Variants in LAMA3 observed in about 807,000 individuals in gnomAD.
The protein encoded by LAMA3 is laminin subunit alpha-3.
Under a neutral mutation model 402.0 loss-of-function variants are expected in LAMA3, and 281 were observed. That is an observed-to-expected ratio of 0.70 (90% CI 0.63 to 0.77). LAMA3 has a LOEUF of 0.77. Among genes scored for constraint, LAMA3 ranks in the 30% least tolerant of loss-of-function variants. The pLI, the probability that LAMA3 is intolerant of heterozygous loss-of-function variation, is 0.00. For synonymous variants in LAMA3, 1,431 were observed against 1,558.4 expected, an observed-to-expected ratio of 0.92 and a Z score of 1.93; for missense variants, 3,840 against 4,215.5, an observed-to-expected ratio of 0.91 and a Z score of 2.47.
intron 32 of LAMA3, among the ~76,000 whole-genome samples, chr18:23,849,036 A>T (rs1162706635): frequency 6.6e-6 from 1 of 152,184 alleles, no homozygotes. Context: ...GACACCAGTC[A>T]TACTGGCTTA....
chr18:23,842,864 A>AG, intron 29 of LAMA3, 114 bp downstream of exon 29: 2 of 1,361,346 alleles, frequency 1.5e-6, no homozygotes, highest in Non-Finnish European at 2.1e-6. Flanking sequence ...TCATATTTGT[A>AG]GAAAAATGTT....
At position 23,689,734 on chromosome 18, in the gene LAMA3, G is replaced by A. The variant is rs892740122; in HGVS notation, c.51G>A (p.Pro17=). 95 of 1,490,126 alleles carry A rather than the reference G, an allele frequency of 6.4e-5. No homozygotes were observed. Among genetic ancestry groups the A allele is most frequent in the Non-Finnish European group, 8.4e-5 (94 of 1,124,394 alleles). 92.3% of individuals were successfully genotyped at this position (1,490,126 alleles called of 1,614,324 possible). ...PRGRALGPVL[P]PTPLLLLVLR... is the part of the protein sequence containing the mutation. The stretch of plus-strand genomic sequence containing the variant: ...GTCGGGCACTGGGGCCAGTACTGCC[G>A]CCGACGCCGCTGCTCCTGCTGGTAC... The change falls in exon 1 of 75, where the codon CCG becomes CCA. Residue 17 remains proline (P), a synonymous_variant. Transcript: ENST00000313654.
At chr18:23,827,507 CT>C in intron 23 of LAMA3, 40 bp downstream of exon 23, 1 of 1,603,492 alleles carries the variant, frequency 6.2e-7, no homozygotes, top group Middle Eastern at 2.0e-4. Flanking sequence ...TTATTACTAC[CT>C]CCCCATCTGT....
Position 23,777,584 on chromosome 18 carries a change from CA to C in LAMA3, c.1435del (p.Ser479ValfsTer6), listed in dbSNP as rs2062350118. The C allele has an allele frequency of 6.2e-7, 1 of 1,611,548 alleles. No homozygotes were observed. The highest frequency in any genetic ancestry group is 8.5e-7 in the Non-Finnish European group (1 of 1,177,794). On this transcript the variant is annotated frameshift_variant, in exon 11 of 75. Transcript: ENST00000313654. LOFTEE classifies it high-confidence loss of function. ...ATTCCCATTTTTCCTGTTTCTACAC[CA>C]AGTTCAGAAGATCCAGTAGCTGGAG... ...LRIPIFPVST[P>X]SSEDPVAGDI...
intron 12 of LAMA3, chr18:23,796,133 A>C (rs1322179429): frequency 4.8e-6 from 2 of 419,642 alleles, no homozygotes; most frequent in Non-Finnish European, 9.4e-6. Flanking sequence ...TGGAGAAATA[A>C]ATTTCTATTG....
At chr18:23,700,294 C>G (rs1370740270) in intron 1 of LAMA3, among the ~76,000 whole-genome samples, 5 of 152,008 alleles carry the variant, frequency 3.3e-5, no homozygotes, top group Non-Finnish European at 5.9e-5. Context: ...TGGATTGGGC[C>G]CCCTTTCCTG....
chr18:23,953,793 G>A (rs1202471016), intron 74 of LAMA3, among the ~76,000 whole-genome samples: 4 of 152,172 alleles, frequency 2.6e-5, no homozygotes, highest in Non-Finnish European at 5.9e-5. Flanking sequence ...TTTGGGGACC[G>A]GACTGGGAGA....
chr18:23,941,357 A>G (rs2082513151), intron 68 of LAMA3, among the ~76,000 whole-genome samples: 1 of 102,884 alleles, frequency 9.7e-6, no homozygotes, highest in Non-Finnish European at 1.9e-5. Flanking sequence ...TTCTCTCTCA[A>G]CACATTCAGT....
At chr18:23,729,295 T>C (rs1466693108) in intron 2 of LAMA3, among the ~76,000 whole-genome samples, 1 of 152,114 alleles carries the variant, frequency 6.6e-6, no homozygotes, top group Non-Finnish European at 1.5e-5. Context: ...AATGTATACT[T>C]CGTGTATGAA....
intron 11 of LAMA3, among the ~76,000 whole-genome samples, chr18:23,782,038 C>T (rs2062447359): frequency 6.6e-6 from 1 of 152,088 alleles, no homozygotes; most frequent in Non-Finnish European, 1.5e-5. Context: ...AATTCCACAA[C>T]TTAGTTACTA....
chr18:23,741,411 T>G (rs1029561240), intron 2 of LAMA3, among the ~76,000 whole-genome samples: 1 of 152,208 alleles, frequency 6.6e-6, no homozygotes, highest in South Asian at 2.1e-4. Context: ...CTGTGAGGAT[T>G]GTACTTCATT....
chr18:23,892,903 C>CAAA (rs34079963), intron 42 of LAMA3, among the ~76,000 whole-genome samples: 3 of 69,418 alleles, frequency 4.3e-5, no homozygotes, highest in South Asian at 4.8e-4. Flanking sequence ...AACTCTGTCT[C>CAAA]AAAAAAAAAA....
chr18:23,807,586 A>G (rs2062988381), intron 12 of LAMA3, among the ~76,000 whole-genome samples: 1 of 152,080 alleles, frequency 6.6e-6, no homozygotes, highest in Non-Finnish European at 1.5e-5. Context: ...TCTGCAAGGT[A>G]GGCTAACAGG....
In LAMA3 at chr18:23,773,587, C is replaced by T. The variant is rs200781326; in HGVS notation, c.1273C>T (p.Pro425Ser). 88 of 1,569,670 alleles carry T rather than the reference C, an allele frequency of 5.6e-5. No homozygotes were observed. Among genetic ancestry groups the T allele is most frequent in the Middle Eastern group, 1.7e-4 (1 of 5,904 alleles). ...AGTGGATGCCCCTGATGGCTGCATC[C>T]GTAAGTTTCATTTCAAGTTGGTGTA... ...VPVDAPDGCI[P>S]CSCDPEHADG... The change falls in exon 9 of 75, where the codon CCC becomes TCC. Residue 425 changes from proline to serine, a missense_variant and splice_region_variant. Physicochemically the swap from Pro to Ser is moderately conservative, Grantham distance 74. This residue lies in a region of LAMA3 where 2,109 missense variants were observed against 2,376.0 expected (regional missense o/e 0.89). Transcript: ENST00000313654.
chr18:23,790,433 TG>T (rs2062627888), intron 12 of LAMA3, among the ~76,000 whole-genome samples: 1 of 152,240 alleles, frequency 6.6e-6, no homozygotes, highest in South Asian at 2.1e-4. Context: ...GTGTGTTTAT[TG>T]GGTTATAATG....
chr18:23,753,536 G>A (rs2143608088), intron 5 of LAMA3, among the ~76,000 whole-genome samples, 185 bp from the exon 6 acceptor site: 1 of 152,214 alleles, frequency 6.6e-6, no homozygotes. Context: ...AAATTCAGCA[G>A]TATGTTATTA....
chr18:23,904,564 A>T lies in LAMA3; in HGVS notation c.6485A>T (p.Asn2162Ile), dbSNP rs768753923. The T allele has an allele frequency of 7.5e-6, 12 of 1,595,662 alleles. No individual in the cohort carries two copies. The highest frequency in any genetic ancestry group is 1.0e-5 in the Non-Finnish European group (12 of 1,171,054). The stretch of plus-strand genomic sequence containing the variant: ...GCCCTGTCTTCCAGGATCAAGAGAA[A>T]CGCCAGCGGGGATGAGCTGGTGCGC... Reference protein sequence around the residue: ...LAKQLEEIKRNASGDELVRCA... With the variant: ...LAKQLEEIKRIASGDELVRCA... Residue 2162 changes from asparagine (N) to isoleucine (I), a missense_variant, in exon 51 of 75, where the codon AAC (asparagine) becomes ATC (isoleucine). This residue lies in a region of LAMA3 where 891 missense variants were observed against 857.5 expected (regional missense o/e 1.04). Coordinates refer to ENST00000313654, the MANE Select transcript of LAMA3 (RefSeq NM_198129.4).
At chr18:23,701,978 C>T (rs946121402) in intron 1 of LAMA3, among the ~76,000 whole-genome samples, 2 of 151,784 alleles carry the variant, frequency 1.3e-5, no homozygotes, top group African/African-American at 4.8e-5. Flanking sequence ...TAATCCTGAT[C>T]GGAATGATCT....
intron 1 of LAMA3, among the ~76,000 whole-genome samples, chr18:23,705,502 T>C (rs1325699507): frequency 2.0e-5 from 3 of 151,062 alleles, no homozygotes; most frequent in African/African-American, 7.3e-5. Context: ...CATATATATA[T>C]ACACATACAC....
Sources: gnomAD v4.1 joint callset for allele counts (sites outside exome capture counted in the v4.1 genomes callset) on GRCh38, gnomAD v4.1.1 for gene constraint, gnomAD v4.1.1 regional missense constraint, MANE v1.5 for transcripts, NCBI Gene and HGNC (gene_info 2026-07-23, HGNC 2026-07-21) for gene names.